The following MAP4K4 variants were observed in gnomAD, a reference collection of about 807,000 sequenced individuals.
The protein encoded by MAP4K4 is mitogen-activated protein kinase kinase kinase kinase 4, also known as HPK/GCK-like kinase HGK.
Under a neutral mutation model 189.6 loss-of-function variants are expected in MAP4K4, and 38 were observed. That is an observed-to-expected ratio of 0.20 (90% CI 0.15 to 0.26). The LOEUF is 0.26. Among genes scored for constraint, MAP4K4 ranks in the 10% least tolerant of loss-of-function variants. The probability of loss-of-function intolerance (pLI) is 1.00; values close to 1 mark genes in which losing one functional copy is unlikely to be tolerated. For synonymous variants in MAP4K4, 610 were observed against 624.3 expected (o/e 0.98, Z 0.34); for missense variants, 1,054 against 1,726.9 (o/e 0.61, Z 6.91).
At chr2:101,779,787 G>A (rs1352844123) in intron 2 of MAP4K4, among the ~76,000 whole-genome samples, 1 of 150,754 alleles carries the variant, frequency 6.6e-6, no homozygotes, top group African/African-American at 2.4e-5. Flanking sequence ...AACTTGAAAG[G>A]TGGGGTTTCT....
intron 11 of MAP4K4, 21 bp downstream of exon 11, chr2:101,842,702 C>T (rs888022514): frequency 1.1e-5 from 17 of 1,586,242 alleles, no homozygotes; most frequent in Non-Finnish European, 1.4e-5. Flanking sequence ...AGCCACTGTT[C>T]AGTATCCTGC....
rs763932716 is a variant in MAP4K4 at position 101,885,293 on chromosome 2, A to G, written c.3621+6A>G. The G allele has an allele frequency of 1.3e-6, 2 of 1,544,592 alleles. No homozygotes were observed. Among genetic ancestry groups the G allele is most frequent in the South Asian group, 1.2e-5 (1 of 85,810 alleles). On this transcript the variant is annotated splice_donor_region_variant and intron_variant, in intron 29 of 32. Transcript: ENST00000324219. Reference sequence around the variant, plus strand: ...ACAAATTTATGGCCTTTAAGGTAACAACATCAAGTGAATTTAAAAGTAGTA... The same window carrying G: ...ACAAATTTATGGCCTTTAAGGTAACGACATCAAGTGAATTTAAAAGTAGTA...
rs148951472 is a variant in MAP4K4, at chr2:101,736,663, C to T, written c.123+38125C>T. Reference sequence around the variant, plus strand: ...ATTCAGTATATTTTTTTCTGATTGTCCTGTACAAGTAAGCCCCTTTGCAGT... The same window carrying T: ...ATTCAGTATATTTTTTTCTGATTGTTCTGTACAAGTAAGCCCCTTTGCAGT... On this transcript the variant is annotated intron_variant, in intron 2 of 32. Transcript: ENST00000324219. Among the ~76,000 whole-genome samples, 432 of 152,208 alleles carry T rather than the reference C, an allele frequency of 2.8e-3. 3 individuals are homozygous for T. The highest frequency in any genetic ancestry group is 0.01 in the African/African-American group (418 of 41,538).
chr2:101,892,001 AAAAAAAAAAAAAAAGG>A (rs2098577078), exon 33 of MAP4K4: 1 of 150,380 alleles, frequency 6.6e-6, no homozygotes, highest in African/African-American at 2.4e-5. Flanking sequence ...AAAAAAAAAA[AAAAAAAAAAAAAAAGG>A]AAAAAAAAAA....
chr2:101,833,114 A>G (rs1351853801), intron 7 of MAP4K4, among the ~76,000 whole-genome samples: 1 of 152,108 alleles, frequency 6.6e-6, no homozygotes, highest in Non-Finnish European at 1.5e-5. Flanking sequence ...TAGAAAGCTT[A>G]ATGAAAATAA....
intron 12 of MAP4K4, among the ~76,000 whole-genome samples, chr2:101,850,704 A>G (rs2097257670): frequency 6.6e-6 from 1 of 152,224 alleles, no homozygotes; most frequent in Admixed American, 6.5e-5. Flanking sequence ...CTCAGTTGGT[A>G]TGCAGAAGGT....
At chr2:101,873,794 G>T in intron 25 of MAP4K4, 30 bp downstream of exon 25, 2 of 1,449,370 alleles carry the variant, frequency 1.4e-6, no homozygotes, top group African/African-American at 1.4e-5. Flanking sequence ...GAAAGCAGCT[G>T]ACAAATGGGA....
At chr2:101,746,947 G>A (rs1455918531) in intron 2 of MAP4K4, among the ~76,000 whole-genome samples, 1 of 152,006 alleles carries the variant, frequency 6.6e-6, no homozygotes, top group Non-Finnish European at 1.5e-5. Flanking sequence ...AACTGCCTTA[G>A]GTAGACAAAA....
chr2:101,738,981 A>G (rs1352487528), intron 2 of MAP4K4, among the ~76,000 whole-genome samples: 2 of 152,142 alleles, frequency 1.3e-5, no homozygotes, highest in African/African-American at 4.8e-5. Flanking sequence ...CAGTGAATAC[A>G]GTTACTGCTG....
chr2:101,851,724 C>CTTTTTTTTTTTTTTTTTTT (rs36217584), intron 12 of MAP4K4, among the ~76,000 whole-genome samples: 2 of 67,904 alleles, frequency 2.9e-5, no homozygotes, highest in Non-Finnish European at 6.8e-5. Context: ...TAACTGTCCT[C>CTTTTTTTTTTTTTTTTTTT]TTTTTTTTTT....
chr2:101,870,601 G>T (rs1473954480), intron 23 of MAP4K4, 186 bp downstream of exon 23: 2 of 672,632 alleles, frequency 3.0e-6, no homozygotes, highest in Non-Finnish European at 4.9e-6. Flanking sequence ...AGAAGGTAGC[G>T]AGTAGTCTCC....
intron 2 of MAP4K4, among the ~76,000 whole-genome samples, chr2:101,707,354 G>A (rs1054218244): frequency 2.0e-5 from 3 of 151,884 alleles, no homozygotes; most frequent in African/African-American, 7.3e-5. Flanking sequence ...GACTGCAGGT[G>A]CGGACCACCA....
At chr2:101,837,174 C>T (rs193183418) in intron 9 of MAP4K4, among the ~76,000 whole-genome samples, 16 of 151,492 alleles carry the variant, frequency 1.1e-4, no homozygotes, top group African/African-American at 3.9e-4. Context: ...CTTGACTCTC[C>T]TTCTGAAATA....
rs543783257 is a variant in MAP4K4 at position 101,809,131 on chromosome 2, A to G, written c.181-14797A>G. Among the ~76,000 whole-genome samples, 10 of 152,324 alleles carry G rather than the reference A, an allele frequency of 6.6e-5. No individual in the cohort carries two copies. The South Asian group carries it at 2.1e-3, about 32-fold the overall frequency. ...TCCTTAATCTTGTTTAGTCTCAACT[A>G]CATACTTCATGTAACTTTTTTCTAG... is the stretch of plus-strand genomic sequence containing the variant. On this transcript the variant is annotated intron_variant, in intron 3 of 32. Transcript: ENST00000324219.
At chr2:101,771,268 G>A (rs1414742073) in intron 2 of MAP4K4, among the ~76,000 whole-genome samples, 1 of 152,088 alleles carries the variant, frequency 6.6e-6, no homozygotes, top group African/African-American at 2.4e-5. Context: ...GAGCATAATG[G>A]GAAAAGGAAG....
rs961177505 is a variant in MAP4K4, at chr2:101,833,492, C to T, written c.640-917C>T. Among the ~76,000 whole-genome samples, 13 of 151,880 alleles carry T rather than the reference C, an allele frequency of 8.6e-5. No homozygotes were observed. The South Asian group carries it at 1.3e-3, about 15-fold the overall frequency. Reference sequence around the variant, plus strand: ...AAAATTAGCCGGGCATGGTGGCGGGCGCCTGTAGTCCCAGCTACTCAGGAG... The same window carrying T: ...AAAATTAGCCGGGCATGGTGGCGGGTGCCTGTAGTCCCAGCTACTCAGGAG... On this transcript the variant is annotated intron_variant, in intron 7 of 32. Transcript: ENST00000324219.
At chr2:101,887,723 C>G in intron 30 of MAP4K4, 55 bp from the exon 31 acceptor site, 3 of 1,460,502 alleles carry the variant, frequency 2.1e-6, no homozygotes, top group Non-Finnish European at 2.8e-6. Flanking sequence ...AGCACTTGCA[C>G]AGGGCTGGAA....
intron 2 of MAP4K4, among the ~76,000 whole-genome samples, chr2:101,705,454 A>G (rs950041303): frequency 2.6e-5 from 4 of 152,176 alleles, no homozygotes; most frequent in Non-Finnish European, 5.9e-5. Context: ...ACATACTGCA[A>G]TGTGTTCATT....
chr2:101,719,187 C>T (rs567333274), intron 2 of MAP4K4, among the ~76,000 whole-genome samples: 1 of 152,290 alleles, frequency 6.6e-6, no homozygotes, highest in South Asian at 2.1e-4. Flanking sequence ...CTCTTTTATG[C>T]TCTTCATCTG....
Sources: allele counts gnomAD v4.1 joint callset (sites outside exome capture counted in the v4.1 genomes callset), GRCh38; gene constraint gnomAD v4.1.1; transcripts MANE v1.5; gene names NCBI Gene and HGNC (gene_info 2026-07-23, HGNC 2026-07-21).